Variants in ADARB2 observed in about 807,000 individuals in gnomAD.
The protein encoded by ADARB2 is inactive double-stranded RNA-specific editase B2.
Under a neutral mutation model 62.2 loss-of-function variants are expected in ADARB2, and 25 were observed. That is an observed-to-expected ratio of 0.40 (90% CI 0.29 to 0.56). The LOEUF is 0.56. ADARB2 is among the 20% of genes least tolerant of loss of function. The pLI is 0.43. For synonymous variants in ADARB2, 572 were observed against 500.8 expected (o/e 1.14, Z -1.90); for missense variants, 1,071 against 1,077.4 (o/e 0.99, Z 0.08).
At chr10:1,710,842 C>T (rs1834941525) in intron 1 of ADARB2, among the ~76,000 whole-genome samples, 1 of 152,178 alleles carries the variant, frequency 6.6e-6, no homozygotes, top group Non-Finnish European at 1.5e-5. Context: ...TCTCATTTCT[C>T]AGCTTGTTCA....
At chr10:1,269,257 CTG>C (rs1831236303) in intron 4 of ADARB2, among the ~76,000 whole-genome samples, 2 of 152,264 alleles carry the variant, frequency 1.3e-5, no homozygotes, top group African/African-American at 4.8e-5. Context: ...ACCAGCAACC[CTG>C]TGTGTATGTA....
chr10:1,266,511 TG>T (rs782182369), intron 4 of ADARB2, among the ~76,000 whole-genome samples: 98,177 of 129,708 alleles, frequency 0.76, 35,443 homozygotes, highest in Middle Eastern at 0.83. Flanking sequence ...TGGTGGGGGG[TG>T]GGGGGGGGGC....
intron 1 of ADARB2, among the ~76,000 whole-genome samples, chr10:1,640,077 A>G (rs538775931): frequency 6.6e-6 from 1 of 152,298 alleles, no homozygotes; most frequent in African/African-American, 2.4e-5. Flanking sequence ...ATGAGGGAGC[A>G]TGGCGGCTAT....
At chr10:1,267,545 T>A (rs184596516) in intron 4 of ADARB2, among the ~76,000 whole-genome samples, 40 of 152,264 alleles carry the variant, frequency 2.6e-4, no homozygotes, top group African/African-American at 8.9e-4. Context: ...GTACCCTCTG[T>A]GAGATGCTTC....
intron 3 of ADARB2, among the ~76,000 whole-genome samples, chr10:1,347,114 T>G (rs1832087848): frequency 6.6e-6 from 1 of 152,234 alleles, no homozygotes; most frequent in Non-Finnish European, 1.5e-5. Flanking sequence ...GGCCCAGGAC[T>G]GGCCCATTCC....
chr10:1,355,390 C>T (rs947912386), intron 3 of ADARB2, among the ~76,000 whole-genome samples: 1 of 152,226 alleles, frequency 6.6e-6, no homozygotes, highest in South Asian at 2.1e-4. Context: ...TGCTCCACCC[C>T]TCAGTGACTA....
intron 1 of ADARB2, among the ~76,000 whole-genome samples, chr10:1,484,582 C>T (rs536443897): frequency 5.4e-4 from 83 of 152,320 alleles, no homozygotes; most frequent in African/African-American, 1.3e-3. Flanking sequence ...AACCACATGG[C>T]GTTTATTCTC....
chr10:1,614,696 G>C (rs529726515), intron 1 of ADARB2, among the ~76,000 whole-genome samples: 1 of 152,316 alleles, frequency 6.6e-6, no homozygotes, highest in African/African-American at 2.4e-5. Flanking sequence ...CGGATCACGA[G>C]TTCAGGAGAT....
chr10:1,629,823 C>T (rs551895924), intron 1 of ADARB2, among the ~76,000 whole-genome samples: 8 of 152,214 alleles, frequency 5.3e-5, no homozygotes, highest in South Asian at 4.2e-4. Flanking sequence ...CATGCCATTC[C>T]GAGAATGGCT....
chr10:1,509,024 G>A (rs909967450), intron 1 of ADARB2, among the ~76,000 whole-genome samples: 10 of 152,264 alleles, frequency 6.6e-5, no homozygotes, highest in South Asian at 4.1e-4. Context: ...TCTTGAAGAG[G>A]AGTCTATGAA....
intron 1 of ADARB2, among the ~76,000 whole-genome samples, chr10:1,619,547 G>A (rs566687497): frequency 6.6e-6 from 1 of 152,278 alleles, no homozygotes; most frequent in African/African-American, 2.4e-5. Context: ...CACCTCCCAG[G>A]TTCAAGCAAT....
At chr10:1,220,707 T>C (rs1265298917) in intron 6 of ADARB2, among the ~76,000 whole-genome samples, 1 of 152,236 alleles carries the variant, frequency 6.6e-6, no homozygotes, top group African/African-American at 2.4e-5. Flanking sequence ...ACGTTTTAAC[T>C]ATTGTGGTCT....
At chr10:1,589,296 G>T (rs1465694984) in intron 1 of ADARB2, among the ~76,000 whole-genome samples, 3 of 152,218 alleles carry the variant, frequency 2.0e-5, no homozygotes, top group Non-Finnish European at 4.4e-5. Flanking sequence ...TGGTGGAAAG[G>T]TGCGGACCCT....
At chr10:1,635,057 AGT>A (rs1281884057) in intron 1 of ADARB2, among the ~76,000 whole-genome samples, 1 of 152,256 alleles carries the variant, frequency 6.6e-6, no homozygotes, top group Non-Finnish European at 1.5e-5. Context: ...AACTAAAGTA[AGT>A]GTATTTGTGA....
At chr10:1,626,417 A>C (rs921249164) in intron 1 of ADARB2, among the ~76,000 whole-genome samples, 1 of 151,026 alleles carries the variant, frequency 6.6e-6, no homozygotes, top group Non-Finnish European at 1.5e-5. Flanking sequence ...ACAGGCCTCC[A>C]CTGGATCTCG....
At chr10:1,647,421 G>A (rs1230855081) in intron 1 of ADARB2, among the ~76,000 whole-genome samples, 1 of 151,862 alleles carries the variant, frequency 6.6e-6, no homozygotes, top group East Asian at 1.9e-4. Flanking sequence ...GCATATATGT[G>A]TATACATATG....
chr10:1,654,852 A>T (rs1282178655), intron 1 of ADARB2, among the ~76,000 whole-genome samples: 1 of 152,160 alleles, frequency 6.6e-6, no homozygotes, highest in Non-Finnish European at 1.5e-5. Flanking sequence ...CTTCCCAGCC[A>T]CACGCCAGGC....
intron 1 of ADARB2, among the ~76,000 whole-genome samples, chr10:1,517,873 A>T (rs11250577): frequency 0.17 from 26,585 of 152,112 alleles, 2,763 homozygotes; most frequent in East Asian, 0.39. Flanking sequence ...TCTGTGAGGA[A>T]AGGGGTTCCC....
At chr10:1,622,615 C>A (rs1030283875) in intron 1 of ADARB2, among the ~76,000 whole-genome samples, 8 of 151,978 alleles carry the variant, frequency 5.3e-5, no homozygotes, top group Non-Finnish European at 1.0e-4. Context: ...GTAAATGAAA[C>A]CACAATGAGA....
Sources: allele counts gnomAD v4.1 joint callset (sites outside exome capture counted in the v4.1 genomes callset), GRCh38; gene constraint gnomAD v4.1.1; transcripts MANE v1.5; gene names NCBI Gene and HGNC (gene_info 2026-07-23, HGNC 2026-07-21).